The following SREBF2 variants were observed in gnomAD, a reference collection of about 807,000 sequenced individuals.
SREBF2 encodes sterol regulatory element-binding protein 2.
SREBF2 carries 55 observed loss-of-function variants against 113.1 expected under a neutral mutation model. That is an observed-to-expected ratio of 0.49 (90% CI 0.39 to 0.61). The LOEUF is 0.61. Ranked by LOEUF, SREBF2 falls within the 20% of genes least tolerant of loss-of-function variation. The pLI is 0.00. For synonymous variants in SREBF2, 593 were observed against 605.7 expected (o/e 0.98, Z 0.31); for missense variants, 1,349 against 1,487.4 (o/e 0.91, Z 1.53).
At chr22:41,858,573 T>G (rs1260067230) in intron 1 of SREBF2, among the ~76,000 whole-genome samples, 2 of 152,036 alleles carry the variant, frequency 1.3e-5, no homozygotes, top group Non-Finnish European at 2.9e-5. Flanking sequence ...CAAGACCCAG[T>G]CTCTCTTACA....
At position 41,875,442 on chromosome 22, in the gene SREBF2, CA is replaced by C; in HGVS notation, c.1199del (p.Lys400ArgfsTer5). The C allele has an allele frequency of 1.2e-6, 2 of 1,614,218 alleles. No homozygotes were observed. The highest frequency in any genetic ancestry group is 1.7e-6 in the Non-Finnish European group (2 of 1,180,040). On this transcript the variant is annotated frameshift_variant, in exon 6 of 19. Coordinates refer to ENST00000361204, the MANE Select transcript of SREBF2 (RefSeq NM_004599.4). LOFTEE classifies it high-confidence loss of function. Reference sequence around the variant, plus strand: ...GAACATGGTGCTGAAGCTGGCAAATCAAAAGAACAGTAAGTGTGCTGAGAAA... The same window carrying C: ...GAACATGGTGCTGAAGCTGGCAAATCAAAGAACAGTAAGTGTGCTGAGAAA... ...QENMVLKLAN[Q>X]KNKLLKGIDL...
rs766709095 is a variant in SREBF2, at chr22:41,903,051, G to A, written c.2989G>A (p.Val997Met). The change falls in exon 17 of 19, where the codon GTG (valine) becomes ATG (methionine). Residue 997 changes from valine to methionine, a missense_variant. Val to Met is a conservative substitution (Grantham distance 21, BLOSUM62 1). Coordinates refer to ENST00000361204, the MANE Select transcript of SREBF2 (RefSeq NM_004599.4). ...WQKQASASQA[V>M]GETYHASGAE... ...AAAACAGGCCAGTGCCAGCCAGGCT[G>A]TGGGGGAGACCTACCACGCGTCAGG... 3.1e-6 allele frequency: 5 copies of A among 1,607,396 alleles called. No individual in the cohort carries two copies. Among genetic ancestry groups the A allele is most frequent in the East Asian group, 2.2e-5 (1 of 44,646 alleles).
At chr22:41,889,821 T>G (rs1191337725) in intron 11 of SREBF2, among the ~76,000 whole-genome samples, 2 of 151,746 alleles carry the variant, frequency 1.3e-5, no homozygotes, top group African/African-American at 4.8e-5. Context: ...GCCAACATGA[T>G]GAAACTCCGT....
chr22:41,899,029 G>C (rs1425123501), intron 15 of SREBF2: 2 of 621,460 alleles, frequency 3.2e-6, no homozygotes, highest in Non-Finnish European at 5.4e-6. Context: ...ACTGTGTCCG[G>C]GTCCTCCTCC....
chr22:41,896,632 T>G (rs1220936479), intron 13 of SREBF2, among the ~76,000 whole-genome samples: 1 of 152,198 alleles, frequency 6.6e-6, no homozygotes, highest in Non-Finnish European at 1.5e-5. Context: ...GTGCTGGGAT[T>G]ACAGGCGTGA....
At chr22:41,898,423 T>C (rs921489871) in intron 14 of SREBF2, among the ~76,000 whole-genome samples, 3 of 152,182 alleles carry the variant, frequency 2.0e-5, no homozygotes, top group Admixed American at 1.3e-4. Flanking sequence ...CAACCAGGAA[T>C]GAACATTTTT....
intron 1 of SREBF2, chr22:41,834,023 C>T (rs552553918): frequency 6.5e-6 from 1 of 152,830 alleles, no homozygotes; most frequent in Admixed American, 6.5e-5. Flanking sequence ...GTTGTGGCCC[C>T]TCGGGTACGG....
At chr22:41,841,674 C>T (rs540807120) in intron 1 of SREBF2, among the ~76,000 whole-genome samples, 3 of 152,270 alleles carry the variant, frequency 2.0e-5, no homozygotes, top group South Asian at 2.1e-4. Context: ...TTTCACTCCT[C>T]AAATTTGTAA....
chr22:41,854,916 C>T (rs2076963821), intron 1 of SREBF2, among the ~76,000 whole-genome samples: 2 of 151,584 alleles, frequency 1.3e-5, no homozygotes, highest in South Asian at 4.2e-4. Flanking sequence ...TATTTAGTGA[C>T]CTTGTCTCAC....
At chr22:41,843,979 G>A (rs1366160408) in intron 1 of SREBF2, among the ~76,000 whole-genome samples, 1 of 145,898 alleles carries the variant, frequency 6.9e-6, no homozygotes, top group African/African-American at 2.5e-5. Context: ...TCACACCACT[G>A]CACTTCAGCC....
chr22:41,855,709 A>G (rs181234423), intron 1 of SREBF2, among the ~76,000 whole-genome samples: 1 of 152,292 alleles, frequency 6.6e-6, no homozygotes, highest in East Asian at 1.9e-4. Flanking sequence ...TCCATAGAGC[A>G]TCAGATAACT....
At chr22:41,882,939 C>T (rs1243370804) in intron 10 of SREBF2, among the ~76,000 whole-genome samples, 1 of 152,048 alleles carries the variant, frequency 6.6e-6, no homozygotes, top group African/African-American at 2.4e-5. Context: ...CTCCATCTCT[C>T]CAAAAAAAAT....
At chr22:41,841,625 TA>T (rs1425388392) in intron 1 of SREBF2, among the ~76,000 whole-genome samples, 1 of 152,230 alleles carries the variant, frequency 6.6e-6, no homozygotes, top group East Asian at 1.9e-4. Context: ...TTTGGCATTT[TA>T]AAAAATATAT....
chr22:41,866,828 C>T lies in SREBF2; in HGVS notation c.89-3C>T, dbSNP rs1460085690. 6.2e-7 allele frequency: 1 copy of T among 1,614,202 alleles called. No individual in the cohort carries two copies. The highest frequency in any genetic ancestry group is 8.5e-7 in the Non-Finnish European group (1 of 1,180,032). ...AAAATTACTCCTTTTCTTTTGTTCA[C>T]AGAGATGCTGCAATTTGTCAGTAAT... On this transcript the variant is annotated splice_polypyrimidine_tract_variant and splice_region_variant and intron_variant, in intron 1 of 18. Coordinates refer to ENST00000361204, the MANE Select transcript of SREBF2 (RefSeq NM_004599.4).
intron 13 of SREBF2, 25 bp downstream of exon 13, chr22:41,894,962 TGC>T: frequency 6.3e-7 from 1 of 1,597,226 alleles, no homozygotes; most frequent in Non-Finnish European, 8.6e-7. Flanking sequence ...CCAGTCCCCC[TGC>T]CTTAGGACCT....
At chr22:41,850,672 G>T (rs2076919704) in intron 1 of SREBF2, among the ~76,000 whole-genome samples, 1 of 152,140 alleles carries the variant, frequency 6.6e-6, no homozygotes, top group Non-Finnish European at 1.5e-5. Flanking sequence ...TCTCAGTTCA[G>T]CCACTTTGTA....
chr22:41,881,042 A>G (rs2077240997), intron 10 of SREBF2, 50 bp downstream of exon 10: 1 of 1,590,940 alleles, frequency 6.3e-7, no homozygotes, highest in South Asian at 1.1e-5. Flanking sequence ...ATCTCATGCT[A>G]CCTCTCCTCC....
intron 1 of SREBF2, among the ~76,000 whole-genome samples, chr22:41,861,227 T>C (rs2077024409): frequency 6.6e-6 from 1 of 152,220 alleles, no homozygotes; most frequent in Non-Finnish European, 1.5e-5. Context: ...CTCACGCCTG[T>C]AATCCCAGCA....
At chr22:41,856,089 CG>C (rs1380042665) in intron 1 of SREBF2, among the ~76,000 whole-genome samples, 2 of 151,578 alleles carry the variant, frequency 1.3e-5, no homozygotes, top group African/African-American at 2.4e-5. Flanking sequence ...AGGCATATAA[CG>C]TTTTTTTTTG....
Sources: gnomAD v4.1 joint callset for allele counts (sites outside exome capture counted in the v4.1 genomes callset) on GRCh38, gnomAD v4.1.1 for gene constraint, MANE v1.5 for transcripts, NCBI Gene and HGNC (gene_info 2026-07-23, HGNC 2026-07-21) for gene names.